Variants in TEX15 observed in about 807,000 individuals in gnomAD.
TEX15 encodes testis expressed 15, meiosis and synapsis associated.
TEX15 carries 171 observed loss-of-function variants against 237.3 expected under a neutral mutation model. That is an observed-to-expected ratio of 0.72 (90% CI 0.64 to 0.82). TEX15 has a LOEUF of 0.82. Ranked by LOEUF, TEX15 falls within the 40% of genes least tolerant of loss-of-function variation. The probability of loss-of-function intolerance (pLI) is 0.00; values close to 1 mark genes in which losing one functional copy is unlikely to be tolerated. For synonymous variants in TEX15, 1,338 were observed against 1,269.8 expected (o/e 1.05, Z -1.14); for missense variants, 3,750 against 3,646.5 (o/e 1.03, Z -0.73).
Position 30,846,811 on chromosome 8 carries a change from G to A in TEX15, c.3356C>T (p.Thr1119Ile), listed in dbSNP as rs763897269. The A allele has an allele frequency of 1.1e-5, 18 of 1,613,760 alleles. No individual in the cohort carries two copies. In the East Asian group the frequency reaches 3.1e-4, roughly 28 times the overall value. Residue 1119 changes from threonine (T) to isoleucine (I), a missense_variant, in exon 8 of 11, where the codon ACC becomes ATC. By Grantham distance (89) the Thr-to-Ile change is moderately conservative (BLOSUM62 -1). Coordinates refer to ENST00000643185, the MANE Select transcript of TEX15 (RefSeq NM_001350162.2). ...CTGATCACTATTCTCCCTTCCTGTG[G>A]TGCTTTCCAAAACTTCCATCTCCCC... ...DNGEMEVLES[T>I]TGRENSDQHY... is the part of the protein sequence containing the mutation.
At chr8:30,883,104 TTTTC>T (rs1190510117) in intron 3 of TEX15, among the ~76,000 whole-genome samples, 7 of 152,100 alleles carry the variant, frequency 4.6e-5, no homozygotes, top group African/African-American at 1.4e-4. Context: ...TCAATTTTAT[TTTTC>T]TTTCTCTATC....
In TEX15 at chr8:30,846,195, A is replaced by G; in HGVS notation, c.3972T>C (p.Tyr1324=). Residue 1324 remains tyrosine, a synonymous_variant, in exon 8 of 11, where the codon TAT becomes TAC. Transcript: ENST00000643185. ...GACTGGTTAGCCTCCTCTTTCTCCC[A>G]TAAATTTTATGTCGTCTTAAATCTT... The part of the protein sequence containing the change: ...PHKDLRRHKI[Y]GRKRRLTSQD... 1 of 1,613,266 alleles carries G rather than the reference A, an allele frequency of 6.2e-7. No homozygotes were observed. The highest frequency in any genetic ancestry group is 2.2e-5 in the East Asian group (1 of 44,850).
Position 30,875,112 on chromosome 8 carries a change from G to A in TEX15, c.137-10C>T, listed in dbSNP as rs779435405. ...CAAGGTGACAAGTAAACTAAAGGTA[G>A]AAAAAGAGAAAGCAGTTGTATTTAA... On this transcript the variant is annotated splice_polypyrimidine_tract_variant and intron_variant, in intron 3 of 10. Coordinates refer to ENST00000643185, the MANE Select transcript of TEX15 (RefSeq NM_001350162.2). 68 of 1,234,080 alleles carry A rather than the reference G, an allele frequency of 5.5e-5. No individual in the cohort carries two copies. Among genetic ancestry groups the A allele is most frequent in the Non-Finnish European group, 6.8e-5 (67 of 986,516 alleles). 76.4% of individuals were successfully genotyped at this position (1,234,080 alleles called of 1,614,324 possible).
intron 5 of TEX15, among the ~76,000 whole-genome samples, chr8:30,862,742 T>C (rs731662): frequency 0.061 from 9,312 of 152,266 alleles, 524 homozygotes; most frequent in Admixed American, 0.19. Flanking sequence ...TGGCAAAGCT[T>C]AACCAGAGTA....
In TEX15 at chr8:30,848,364, T is replaced by A; in HGVS notation, c.1803A>T (p.Thr601=). The change falls in exon 8 of 11, where the codon ACA becomes ACT. Residue 601 remains threonine, a synonymous_variant. Coordinates refer to ENST00000643185, the MANE Select transcript of TEX15 (RefSeq NM_001350162.2). ...TTACTTTCTTTTTGAGTGGAAAAAC[T>A]GTAGACGTTTGGCAACCAGTCTGAT... ...TIYQTGCQTS[T]VFPLKKKVSI... is the part of the protein sequence containing the mutation. The A allele has an allele frequency of 6.2e-7, 1 of 1,614,168 alleles. No homozygotes were observed. The highest frequency in any genetic ancestry group is 1.3e-5 in the African/African-American group (1 of 75,064).
intron 7 of TEX15, among the ~76,000 whole-genome samples, chr8:30,856,388 T>C (rs1368047177): frequency 2.0e-5 from 3 of 151,522 alleles, no homozygotes; most frequent in Non-Finnish European, 2.9e-5. Context: ...ACCCTGTCTC[T>C]ACAAAAAAAA....
Position 30,843,674 on chromosome 8 carries a change from C to T in TEX15, c.6493G>A (p.Val2165Ile). The change falls in exon 8 of 11, where the codon GTA becomes ATA. Residue 2165 changes from valine (V) to isoleucine (I), a missense_variant. Physicochemically the swap from Val to Ile is conservative, Grantham distance 29. Transcript: ENST00000643185. ...ETKREKNSYY[V>I]FLKYKRQVNE... Reference sequence around the variant, plus strand: ...ACCTGTCGTTTGTACTTTAAGAATACATAGTATGAATTCTTTTCCCTTTTT... The same window carrying T: ...ACCTGTCGTTTGTACTTTAAGAATATATAGTATGAATTCTTTTCCCTTTTT... The T allele has an allele frequency of 6.3e-7, 1 of 1,582,990 alleles. No individual in the cohort carries two copies. The highest frequency in any genetic ancestry group is 8.6e-7 in the Non-Finnish European group (1 of 1,161,664).
Position 30,846,343 on chromosome 8 carries a change from C to G in TEX15, c.3824G>C (p.Ser1275Thr). ...TTTTGATTTTGTAAAGAAACATCTG[C>G]TTCCATCATCTATTGTTGTGACATT... ...PSNVTTIDDG[S>T]RCFFTKSKTD... is the part of the protein sequence containing the mutation. Residue 1275 changes from serine to threonine, a missense_variant, in exon 8 of 11, where the codon AGC becomes ACC. Coordinates refer to ENST00000643185, the MANE Select transcript of TEX15 (RefSeq NM_001350162.2). The G allele has an allele frequency of 6.2e-7, 1 of 1,612,932 alleles. No individual in the cohort carries two copies. The highest frequency in any genetic ancestry group is 1.1e-5 in the South Asian group (1 of 90,958).
At chr8:30,857,556 C>A (rs1223686168) in intron 7 of TEX15, among the ~76,000 whole-genome samples, 1 of 151,982 alleles carries the variant, frequency 6.6e-6, no homozygotes, top group Non-Finnish European at 1.5e-5. Flanking sequence ...AGAATTCCTA[C>A]AAATCAGTAA....
chr8:30,893,271 G>A (rs1384629322), intron 2 of TEX15, among the ~76,000 whole-genome samples: 1 of 152,192 alleles, frequency 6.6e-6, no homozygotes, highest in Non-Finnish European at 1.5e-5. Context: ...TCAAAGCTAG[G>A]CAGTGTGGCA....
At chr8:30,855,558 G>C (rs1807891487) in intron 7 of TEX15, among the ~76,000 whole-genome samples, 1 of 152,168 alleles carries the variant, frequency 6.6e-6, no homozygotes, top group Admixed American at 6.5e-5. Context: ...TTACTACAGA[G>C]TCTTCATATA....
intron 3 of TEX15, among the ~76,000 whole-genome samples, chr8:30,883,994 T>TCCCACCTCAGCTTCCC (rs1808594009): frequency 6.6e-6 from 1 of 152,188 alleles, no homozygotes; most frequent in Non-Finnish European, 1.5e-5. Flanking sequence ...CAAGCGTTCC[T>TCCCACCTCAGCTTCCC]CCCACCTCAG....
At chr8:30,907,211 A>G (rs1349046685) in intron 1 of TEX15, among the ~76,000 whole-genome samples, 1 of 152,144 alleles carries the variant, frequency 6.6e-6, no homozygotes, top group Non-Finnish European at 1.5e-5. Flanking sequence ...CAGTGGTGCA[A>G]TCATGGCTCA....
At position 30,838,009 on chromosome 8, in the gene TEX15, CA is replaced by C. The variant is rs1807350539; in HGVS notation, c.8274del (p.Cys2758TrpfsTer4). 2 of 1,613,936 alleles carry C rather than the reference CA, an allele frequency of 1.2e-6. No homozygotes were observed. Among genetic ancestry groups the C allele is most frequent in the Non-Finnish European group, 1.7e-6 (2 of 1,179,964 alleles). ...GTTAAATGATTTCTTTTCAGACTGT[CA>C]CATGAACTTGGTACTATTTTGTTTT... Reference protein sequence around the residue: ...KSENKIVPSSCDSLKRNHLTP... With the variant: ...KSENKIVPSSXDSLKRNHLTP... On this transcript the variant is annotated frameshift_variant, in exon 10 of 11. Coordinates refer to ENST00000643185, the MANE Select transcript of TEX15 (RefSeq NM_001350162.2). LOFTEE classifies it high-confidence loss of function.
intron 1 of TEX15, among the ~76,000 whole-genome samples, chr8:30,904,421 T>G (rs908162665): frequency 4.1e-5 from 6 of 147,776 alleles, no homozygotes; most frequent in African/African-American, 1.5e-4. Flanking sequence ...CACTCCAGCC[T>G]TGGTGACAGA....
At chr8:30,889,076 T>A (rs1200607675) in intron 2 of TEX15, among the ~76,000 whole-genome samples, 2 of 152,228 alleles carry the variant, frequency 1.3e-5, no homozygotes, top group Non-Finnish European at 2.9e-5. Context: ...TTAATCATGA[T>A]CTGTAACAAC....
At chr8:30,860,240 C>T (rs1423021680) in intron 5 of TEX15, among the ~76,000 whole-genome samples, 183 bp from the exon 6 acceptor site, 1 of 151,990 alleles carries the variant, frequency 6.6e-6, no homozygotes, top group East Asian at 1.9e-4. Flanking sequence ...CCCACCTCGG[C>T]CCCGTTGAGT....
At chr8:30,885,763 T>C (rs1025651971) in intron 3 of TEX15, among the ~76,000 whole-genome samples, 1 of 152,230 alleles carries the variant, frequency 6.6e-6, no homozygotes, top group East Asian at 1.9e-4. Context: ...ACTATGTCCT[T>C]AGTGATTTTC....
At chr8:30,840,302 T>A (rs1807422455) in intron 8 of TEX15, among the ~76,000 whole-genome samples, 1 of 151,924 alleles carries the variant, frequency 6.6e-6, no homozygotes, top group South Asian at 2.1e-4. Context: ...TGCAAGCGAT[T>A]CTCCTGCCTC....
Sources: gnomAD v4.1 joint callset for allele counts (sites outside exome capture counted in the v4.1 genomes callset) on GRCh38, gnomAD v4.1.1 for gene constraint, MANE v1.5 for transcripts, NCBI Gene and HGNC (gene_info 2026-07-23, HGNC 2026-07-21) for gene names.